The following HNRNPC variants were observed in gnomAD, a reference collection of about 807,000 sequenced individuals.
HNRNPC encodes the protein heterogeneous nuclear ribonucleoprotein C, also known as heterogeneous nuclear ribonucleoproteins C1/C2.
Under a neutral mutation model 33.2 loss-of-function variants are expected in HNRNPC, and 3 were observed. The observed-to-expected ratio is 0.09, with a 90% CI of 0.04 to 0.23. The LOEUF is 0.23. HNRNPC is among the 10% of genes least tolerant of loss of function. The pLI is 1.00. For synonymous variants in HNRNPC, 121 were observed against 126.7 expected (o/e 0.96, Z 0.30); for missense variants, 143 against 366.7 (o/e 0.39, Z 4.98).
chr14:21,252,858 G>A (rs1253319997), intron 2 of HNRNPC, among the ~76,000 whole-genome samples: 1 of 152,084 alleles, frequency 6.6e-6, no homozygotes, highest in Non-Finnish European at 1.5e-5. Flanking sequence ...TCTCTTTTGT[G>A]TATGTGAAAT....
At chr14:21,260,960 CAAAA>C (rs71112564) in intron 2 of HNRNPC, among the ~76,000 whole-genome samples, 17 of 88,508 alleles carry the variant, frequency 1.9e-4, no homozygotes, top group Admixed American at 3.5e-4. Context: ...GAGACTGTCT[CAAAA>C]AAAAAAAAAA....
intron 5 of HNRNPC, among the ~76,000 whole-genome samples, chr14:21,228,960 C>T (rs1893787504): frequency 6.6e-6 from 1 of 151,542 alleles, no homozygotes; most frequent in Non-Finnish European, 1.5e-5. Context: ...TGGTGCATGC[C>T]TGTAACCCCA....
intron 2 of HNRNPC, among the ~76,000 whole-genome samples, chr14:21,244,736 G>A (rs1485899389): frequency 6.6e-6 from 1 of 152,188 alleles, no homozygotes; most frequent in Non-Finnish European, 1.5e-5. Flanking sequence ...GCTAGATAGT[G>A]TAGCCTACCA....
At chr14:21,223,542 A>C (rs1893082790) in intron 5 of HNRNPC, among the ~76,000 whole-genome samples, 1 of 152,122 alleles carries the variant, frequency 6.6e-6, no homozygotes, top group Non-Finnish European at 1.5e-5. Context: ...TGAGCTCAGG[A>C]GTTCAAGATG....
chr14:21,250,768 A>G (rs774741389), intron 2 of HNRNPC, among the ~76,000 whole-genome samples: 3 of 152,236 alleles, frequency 2.0e-5, no homozygotes, highest in Admixed American at 1.3e-4. Context: ...CCTGCCAAAA[A>G]GTCCACCGAA....
At chr14:21,222,784 C>G (rs1288668682) in intron 5 of HNRNPC, among the ~76,000 whole-genome samples, 1 of 152,092 alleles carries the variant, frequency 6.6e-6, no homozygotes. Context: ...GTCCCAGCTA[C>G]TGGGGAGGCT....
chr14:21,254,904 A>G lies in HNRNPC; in HGVS notation c.-37+8407T>C, dbSNP rs181545946. Among the ~76,000 whole-genome samples, 5 of 151,054 alleles carry G rather than the reference A, an allele frequency of 3.3e-5. No individual in the cohort carries two copies. In the East Asian group the frequency reaches 9.7e-4, roughly 29 times the overall value. On this transcript the variant is annotated intron_variant, in intron 2 of 8. Coordinates refer to ENST00000553300, the MANE Select transcript of HNRNPC (RefSeq NM_004500.4). ...GCCATTGCACTCCAGCCTGGGCAAC[A>G]GAGCGAGACTCTAGTCTCAAAAAAA...
intron 2 of HNRNPC, among the ~76,000 whole-genome samples, chr14:21,249,741 T>C (rs2065093): frequency 0.9 from 136,811 of 152,132 alleles, 61,714 homozygotes; most frequent in East Asian, 1. Flanking sequence ...TCACATTTCA[T>C]TGTGCCATCA....
chr14:21,259,882 C>CAAAAA (rs5807071), intron 2 of HNRNPC, among the ~76,000 whole-genome samples: 1 of 132,894 alleles, frequency 7.5e-6, no homozygotes, highest in Admixed American at 7.8e-5. Context: ...CTGTCTCCAC[C>CAAAAA]AAAAAAAAAA....
intron 2 of HNRNPC, among the ~76,000 whole-genome samples, chr14:21,244,280 G>A (rs1895694332): frequency 6.6e-6 from 1 of 152,292 alleles, no homozygotes; most frequent in East Asian, 1.9e-4. Context: ...GATTATAGGC[G>A]TGAGCCCCCA....
chr14:21,237,835 A>C (rs1375547490), intron 2 of HNRNPC, among the ~76,000 whole-genome samples: 1 of 152,030 alleles, frequency 6.6e-6, no homozygotes, highest in Non-Finnish European at 1.5e-5. Flanking sequence ...GCAATGGAGC[A>C]ATCTTGGCTC....
intron 2 of HNRNPC, among the ~76,000 whole-genome samples, chr14:21,237,138 T>C (rs1449708091): frequency 3.3e-5 from 5 of 152,202 alleles, no homozygotes; most frequent in East Asian, 1.9e-4. Flanking sequence ...GCAAGAGCAG[T>C]TGCATCCCTG....
At chr14:21,248,092 AC>A (rs1438218077) in intron 2 of HNRNPC, among the ~76,000 whole-genome samples, 2 of 152,114 alleles carry the variant, frequency 1.3e-5, no homozygotes, top group African/African-American at 4.8e-5. Context: ...TAAACAAAAA[AC>A]TTTTGGAGGC....
intron 7 of HNRNPC, 112 bp from the exon 8 acceptor site, chr14:21,211,678 TAC>T: frequency 7.1e-7 from 1 of 1,403,322 alleles, no homozygotes; most frequent in Non-Finnish European, 9.9e-7. Context: ...CCCACACAAA[TAC>T]CCTTCCCAAT....
At chr14:21,224,470 C>CT (rs1366476961) in intron 5 of HNRNPC, among the ~76,000 whole-genome samples, 1 of 152,108 alleles carries the variant, frequency 6.6e-6, no homozygotes, top group Non-Finnish European at 1.5e-5. Context: ...ATGGCATAAT[C>CT]TATCATCTAG....
At chr14:21,253,987 G>C (rs1337378352) in intron 2 of HNRNPC, among the ~76,000 whole-genome samples, 1 of 149,876 alleles carries the variant, frequency 6.7e-6, no homozygotes, top group African/African-American at 2.5e-5. Context: ...AGAATGGCAT[G>C]AACCCGGGAG....
Position 21,218,630 on chromosome 14 carries a change from C to A in HNRNPC, c.366-5513G>T, listed in dbSNP as rs578144755. On this transcript the variant is annotated intron_variant, in intron 5 of 8. Transcript: ENST00000553300. ...CTGGGAAGCAGAGGTTACAGTAAGC[C>A]AAGATCGCACCACTGCATTCCAGCC... Among the ~76,000 whole-genome samples, 73 of 122,384 alleles carry A rather than the reference C, an allele frequency of 6.0e-4. No homozygotes were observed. In the East Asian group the frequency reaches 0.015, roughly 25 times the overall value. The allele number at this position is 122,384 out of a possible 152,430, so 80.3% of individuals were successfully genotyped here.
At chr14:21,249,510 C>T (rs1403481898) in intron 2 of HNRNPC, among the ~76,000 whole-genome samples, 3 of 147,012 alleles carry the variant, frequency 2.0e-5, no homozygotes, top group South Asian at 2.1e-4. Context: ...TTGCTTGAAC[C>T]GGGAAGCAGA....
rs917343031 is a variant in HNRNPC at position 21,212,945 on chromosome 14, T to C, written c.523+15A>G. The C allele has an allele frequency of 9.3e-6, 15 of 1,613,212 alleles. No individual in the cohort carries two copies. In the East Asian group the frequency reaches 1.6e-4, roughly 17 times the overall value. The stretch of plus-strand genomic sequence containing the variant: ...CACAAGAGATACCAAAATCACAAAA[T>C]GAAATAATACATACACTTTCCAGAC... On this transcript the variant is annotated intron_variant, in intron 6 of 8. Coordinates refer to ENST00000553300, the MANE Select transcript of HNRNPC (RefSeq NM_004500.4).
Sources: allele counts gnomAD v4.1 joint callset (sites outside exome capture counted in the v4.1 genomes callset), GRCh38; gene constraint gnomAD v4.1.1; transcripts MANE v1.5; gene names NCBI Gene and HGNC (gene_info 2026-07-23, HGNC 2026-07-21).